Variants in GPC5 observed in about 807,000 individuals in gnomAD.
GPC5 encodes the protein glypican-5.
GPC5 carries 47 observed loss-of-function variants against 53.9 expected under a neutral mutation model. That is an observed-to-expected ratio of 0.87 (90% CI 0.69 to 1.11). The LOEUF (loss-of-function observed/expected upper bound fraction) is 1.11, where lower values mean the gene tolerates loss of function less well. Among genes scored for constraint, GPC5 ranks in the 50% most tolerant of loss-of-function variants. The probability of loss-of-function intolerance (pLI) is 0.00; values close to 1 mark genes in which losing one functional copy is unlikely to be tolerated. For synonymous variants in GPC5, 286 were observed against 263.3 expected, an observed-to-expected ratio of 1.09 and a Z score of -0.84; for missense variants, 748 against 713.1, an observed-to-expected ratio of 1.05 and a Z score of -0.56.
At chr13:91,665,441 G>C (rs1187269085) in intron 2 of GPC5, among the ~76,000 whole-genome samples, 1 of 152,120 alleles carries the variant, frequency 6.6e-6, no homozygotes, top group Non-Finnish European at 1.5e-5. Context: ...TGATAGTTAG[G>C]CAGGTTGAAC....
chr13:91,599,373 T>C (rs1029110117), intron 2 of GPC5, among the ~76,000 whole-genome samples: 3 of 152,170 alleles, frequency 2.0e-5, no homozygotes, highest in Non-Finnish European at 4.4e-5. Context: ...AGTTTCTTTA[T>C]ATTTTTATCT....
At chr13:91,563,691 G>A (rs1247961486) in intron 2 of GPC5, among the ~76,000 whole-genome samples, 1 of 152,138 alleles carries the variant, frequency 6.6e-6, no homozygotes, top group African/African-American at 2.4e-5. Flanking sequence ...TGAAATCAGG[G>A]TGGGACTAAG....
At chr13:91,818,436 A>G (rs2038434129) in intron 5 of GPC5, among the ~76,000 whole-genome samples, 1 of 152,242 alleles carries the variant, frequency 6.6e-6, no homozygotes, top group South Asian at 2.1e-4. Flanking sequence ...AAGACCCTAT[A>G]TTACATAAAT....
chr13:91,443,869 G>A (rs537022850), intron 1 of GPC5, among the ~76,000 whole-genome samples: 3 of 152,092 alleles, frequency 2.0e-5, no homozygotes, highest in Admixed American at 6.6e-5. Flanking sequence ...CTGTATCTCC[G>A]TTTTTCCACA....
chr13:92,015,610 T>A (rs2040699984), intron 6 of GPC5, among the ~76,000 whole-genome samples: 1 of 152,152 alleles, frequency 6.6e-6, no homozygotes, highest in Non-Finnish European at 1.5e-5. Context: ...TTATCTCCCG[T>A]AAGTCACAAA....
Position 92,790,673 on chromosome 13 carries a change from A to G in GPC5, c.1562-75609A>G, listed in dbSNP as rs559479196. On this transcript the variant is annotated intron_variant, in intron 7 of 7. Transcript: ENST00000377067. ...TGAAGAAGGAATAAAGGAAGGAAGG[A>G]AGAAGGGAGGGAAAGACAGAGGAAG... 9.2e-5 allele frequency among the ~76,000 whole-genome samples: 14 copies of G among 152,256 alleles called. No individual in the cohort carries two copies. The East Asian group carries it at 2.7e-3, about 30-fold the overall frequency.
chr13:92,424,625 T>A (rs1594190865), intron 7 of GPC5, among the ~76,000 whole-genome samples: 1 of 149,472 alleles, frequency 6.7e-6, no homozygotes, highest in East Asian at 2.1e-4. Flanking sequence ...TGTTCTTCCA[T>A]AGCTTTATGA....
At chr13:92,166,954 TCTCACA>T (rs762540445) in intron 7 of GPC5, among the ~76,000 whole-genome samples, 477 of 44,594 alleles carry the variant, frequency 0.011, 1 homozygote, top group East Asian at 0.054. Flanking sequence ...TCTCTCTCTC[TCTCACA>T]CACACACACA....
In GPC5 at chr13:92,232,786, C is replaced by G. The variant is rs1442691949; in HGVS notation, c.1561+87797C>G. Among the ~76,000 whole-genome samples the G allele has an allele frequency of 2.0e-5, 3 of 152,158 alleles. No homozygotes were observed. In the South Asian group the frequency reaches 6.2e-4, roughly 32 times the overall value. On this transcript the variant is annotated intron_variant, in intron 7 of 7. Coordinates refer to ENST00000377067, the MANE Select transcript of GPC5 (RefSeq NM_004466.6). The stretch of plus-strand genomic sequence containing the variant: ...TAAGCTTTCCCCCTATTAAACATAC[C>G]GTAATTTGTGAGATATACCTTCTCT...
intron 6 of GPC5, among the ~76,000 whole-genome samples, chr13:91,940,137 G>A: frequency 6.6e-6 from 1 of 152,012 alleles, no homozygotes; most frequent in East Asian, 1.9e-4. Context: ...CTGTGCTGCT[G>A]GAAAATCCTA....
In GPC5 at chr13:92,630,445, G is replaced by A. The variant is rs545878018; in HGVS notation, c.1562-235837G>A. ...TTTTTTACTCATTTACTTTTCAGCT[G>A]AATTGAAATGGATTGTTGGGCAAAA... On this transcript the variant is annotated intron_variant, in intron 7 of 7. Coordinates refer to ENST00000377067, the MANE Select transcript of GPC5 (RefSeq NM_004466.6). 2.0e-5 allele frequency among the ~76,000 whole-genome samples: 3 copies of A among 152,106 alleles called. No individual in the cohort carries two copies. The South Asian group carries it at 6.2e-4, about 32-fold the overall frequency.
intron 7 of GPC5, among the ~76,000 whole-genome samples, chr13:92,569,713 A>T (rs1311924148): frequency 6.6e-6 from 1 of 152,178 alleles, no homozygotes; most frequent in African/African-American, 2.4e-5. Flanking sequence ...CCAGGATTAT[A>T]AATGTCAGGA....
intron 4 of GPC5, among the ~76,000 whole-genome samples, chr13:91,755,502 G>A (rs2037270645): frequency 1.3e-5 from 2 of 152,150 alleles, no homozygotes; most frequent in South Asian, 4.1e-4. Context: ...ACTTGGCCTT[G>A]AAATGTTAAA....
chr13:92,521,608 C>A (rs1371733839), intron 7 of GPC5, among the ~76,000 whole-genome samples: 4 of 152,188 alleles, frequency 2.6e-5, no homozygotes, highest in Non-Finnish European at 5.9e-5. Flanking sequence ...CTTCCTCACA[C>A]CTTATACAAA....
At chr13:92,518,976 A>G (rs1305837065) in intron 7 of GPC5, among the ~76,000 whole-genome samples, 10 of 152,330 alleles carry the variant, frequency 6.6e-5, no homozygotes, top group Non-Finnish European at 1.2e-4. Context: ...AGGGGTTGCA[A>G]TCCTAGTCTC....
chr13:92,673,328 C>A (rs1231528388), intron 7 of GPC5, among the ~76,000 whole-genome samples: 1 of 150,708 alleles, frequency 6.6e-6, no homozygotes, highest in African/African-American at 2.4e-5. Context: ...GTCGCCCAGG[C>A]TGGAGTGCAG....
intron 5 of GPC5, among the ~76,000 whole-genome samples, chr13:91,793,261 G>C (rs779274665): frequency 6.6e-6 from 1 of 152,134 alleles, no homozygotes; most frequent in Non-Finnish European, 1.5e-5. Context: ...ATCAGATCTT[G>C]TGAGGCTTAT....
At chr13:91,718,092 C>G (rs1292458727) in intron 3 of GPC5, among the ~76,000 whole-genome samples, 1 of 150,894 alleles carries the variant, frequency 6.6e-6, no homozygotes, top group African/African-American at 2.4e-5. Flanking sequence ...CCCACTTTCC[C>G]CTAATCTTTG....
rs1438044349 is a variant in GPC5, at chr13:92,867,015, G to C, written c.*576G>C. ...AAGCATTTCATATAATTTCACTGAA[G>C]AACCTTGATAATTTTGACCCACTGT... On this transcript the variant is annotated 3_prime_UTR_variant, in exon 8 of 8. Coordinates refer to ENST00000377067, the MANE Select transcript of GPC5 (RefSeq NM_004466.6). The C allele has an allele frequency of 6.6e-6, 1 of 152,076 alleles. No homozygotes were observed. Among genetic ancestry groups the C allele is most frequent in the Non-Finnish European group, 1.5e-5 (1 of 67,996 alleles). 9.4% of individuals were successfully genotyped at this position (152,076 alleles called of 1,614,324 possible).
Sources: allele counts gnomAD v4.1 joint callset (sites outside exome capture counted in the v4.1 genomes callset), GRCh38; gene constraint gnomAD v4.1.1; transcripts MANE v1.5; gene names NCBI Gene and HGNC (gene_info 2026-07-23, HGNC 2026-07-21).